Variants in ZNF483 observed in about 807,000 individuals in gnomAD.
ZNF483 encodes the protein zinc finger protein 483, also known as zinc finger protein HIT-10.
ZNF483 carries 9 observed loss-of-function variants against 28.6 expected under a neutral mutation model. The observed-to-expected ratio is 0.32, with a 90% CI of 0.19 to 0.55. The LOEUF is 0.55. Among genes scored for constraint, ZNF483 ranks in the 20% least tolerant of loss-of-function variants. The pLI, the probability that ZNF483 is intolerant of heterozygous loss-of-function variation, is 0.93. For synonymous variants in ZNF483, 322 were observed against 306.2 expected (o/e 1.05, Z -0.54); for missense variants, 675 against 871.7 (o/e 0.77, Z 2.84).
intron 5 of ZNF483, among the ~76,000 whole-genome samples, chr9:111,536,897 T>A (rs1827519301): frequency 6.6e-6 from 1 of 152,182 alleles, no homozygotes; most frequent in South Asian, 2.1e-4. Context: ...GAAAATAACA[T>A]TTACGGTACT....
At chr9:111,563,115 T>A in intron 5 of ZNF483, 1 of 1,612,394 alleles carries the variant, frequency 6.2e-7, no homozygotes, top group East Asian at 2.2e-5. Flanking sequence ...CCATGTGTCC[T>A]CTTTTTCATG....
At chr9:111,533,691 G>A (rs200715580) in intron 3 of ZNF483, 48 bp from the exon 4 acceptor site, 2 of 1,509,780 alleles carry the variant, frequency 1.3e-6, no homozygotes, top group Non-Finnish European at 1.8e-6. Context: ...AAGTACTTAG[G>A]TTCTATTTGG....
intron 5 of ZNF483, among the ~76,000 whole-genome samples, chr9:111,567,888 A>G (rs1828637278): frequency 2.0e-5 from 3 of 152,326 alleles, no homozygotes; most frequent in South Asian, 4.1e-4. Flanking sequence ...TCATTTTAAT[A>G]TGGACATTTA....
chr9:111,542,928 T>G lies in ZNF483; in HGVS notation c.1993T>G (p.Cys665Gly). The change falls in exon 6 of 6, where the codon TGT (cysteine) becomes GGT (glycine). Residue 665 changes from cysteine (C) to glycine (G), a missense_variant. Physicochemically the swap from Cys to Gly is radical, Grantham distance 159. Coordinates refer to ENST00000309235, the MANE Select transcript of ZNF483 (RefSeq NM_133464.5). This position sits in a 1 kb window ranked among gnomAD's most constrained non-coding sequence, Gnocchi z 6.2. ...RIHTGVKPYK[C>G]KECGKSFSQS... Reference sequence around the variant, plus strand: ...TCATACTGGTGTAAAACCTTATAAATGTAAAGAATGTGGGAAGTCCTTCAG... The same window carrying G: ...TCATACTGGTGTAAAACCTTATAAAGGTAAAGAATGTGGGAAGTCCTTCAG... The G allele has an allele frequency of 6.2e-7, 1 of 1,614,088 alleles. No homozygotes were observed. Among genetic ancestry groups the G allele is most frequent in the Non-Finnish European group, 8.5e-7 (1 of 1,180,002 alleles).
chr9:111,534,003 T>G, intron 4 of ZNF483, 138 bp downstream of exon 4: 1 of 1,117,334 alleles, frequency 8.9e-7, no homozygotes, highest in Non-Finnish European at 1.3e-6. Context: ...TCCTAAAAAC[T>G]GGTTCTGAAA....
rs1564608152 is a variant in ZNF483, at chr9:111,561,154, A to AGG, written c.722-15210_722-15209insGG. ...AGAGAGAGAGGAGAGAGAGGGAGAG[A>AGG]GAGAGAGAGAGAGAGAGAGAGAGAA... On this transcript the variant is annotated intron_variant, in intron 5 of 5. Coordinates refer to the ZNF483 transcript ENST00000358151. Among the ~76,000 whole-genome samples, 799 of 96,950 alleles carry AGG rather than the reference A, an allele frequency of 8.2e-3. 16 individuals are homozygous for AGG. Among genetic ancestry groups the AGG allele is most frequent in the Non-Finnish European group, 0.012 (603 of 48,338 alleles). 63.6% of individuals were successfully genotyped at this position (96,950 alleles called of 152,430 possible).
exon 6 of ZNF483, chr9:111,576,371 A>G (rs769415087): frequency 2.5e-6 from 4 of 1,614,120 alleles, no homozygotes; most frequent in Non-Finnish European, 3.4e-6. Context: ...GCAGACATAC[A>G]TGGAGCAGTA....
In ZNF483 at chr9:111,542,187, A is replaced by C. The variant is rs370896399; in HGVS notation, c.1252A>C (p.Lys418Gln). The C allele has an allele frequency of 1.2e-6, 2 of 1,614,104 alleles. No homozygotes were observed. The highest frequency in any genetic ancestry group is 4.5e-5 in the East Asian group (2 of 44,886). The part of the protein sequence containing the change: ...RKTPMCEKCR[K>Q]DSCQEAALNK... ...AACCCCTATGTGTGAGAAATGTCGG[A>C]AAGATTCATGTCAAGAAGCAGCCTT... Residue 418 changes from lysine to glutamine, a missense_variant, in exon 6 of 6, where the codon AAA becomes CAA. By Grantham distance (53) the Lys-to-Gln change is moderately conservative. Coordinates refer to ENST00000309235, the MANE Select transcript of ZNF483 (RefSeq NM_133464.5). This position sits in a 1 kb window ranked among gnomAD's most constrained non-coding sequence, Gnocchi z 6.2.
In ZNF483 at chr9:111,545,051, GC is replaced by G. The variant is rs1210247907; in HGVS notation, c.*1882del. Among the ~76,000 whole-genome samples, 1 of 152,148 alleles carries G rather than the reference GC, an allele frequency of 6.6e-6. No individual in the cohort carries two copies. Among genetic ancestry groups the G allele is most frequent in the Non-Finnish European group, 1.5e-5 (1 of 68,030 alleles). ...TGACTAATGTATGTAGGTGTGAAATGCTACCTCTGGGAGAAGGTTTTTGGTG... is the reference window on the plus strand; with the variant it reads ...TGACTAATGTATGTAGGTGTGAAATGTACCTCTGGGAGAAGGTTTTTGGTG... On this transcript the variant is annotated 3_prime_UTR_variant, in exon 6 of 6. Transcript: ENST00000309235.
At position 111,542,088 on chromosome 9, in the gene ZNF483, T is replaced by A. The variant is rs1827688199; in HGVS notation, c.1153T>A (p.Leu385Met). ...TEHQKRQKIHLGDRSQKCSKC... is the reference protein window; with the variant it reads ...TEHQKRQKIHMGDRSQKCSKC... ...ACATCAGAAACGTCAGAAGATTCAT[T>A]TGGGGGATAGGTCCCAAAAATGCAG... The change falls in exon 6 of 6, where the codon TTG becomes ATG. Residue 385 changes from leucine (L) to methionine (M), a missense_variant. Around this residue, in one of 6 missense-constraint regions of ZNF483, gnomAD observed 525 missense variants for 581.8 expected, o/e 0.90. Coordinates refer to ENST00000309235, the MANE Select transcript of ZNF483 (RefSeq NM_133464.5). This position sits in a 1 kb window ranked among gnomAD's most constrained non-coding sequence, Gnocchi z 6.2. The A allele has an allele frequency of 6.2e-7, 1 of 1,614,014 alleles. No homozygotes were observed. The highest frequency in any genetic ancestry group is 1.1e-5 in the South Asian group (1 of 91,080).
At chr9:111,576,247 A>G (rs944799507) in intron 5 of ZNF483, 1 of 978,538 alleles carries the variant, frequency 1.0e-6, no homozygotes, top group South Asian at 1.5e-5. Flanking sequence ...TTTGCAAGCC[A>G]TATAGAGTTG....
intron 5 of ZNF483, among the ~76,000 whole-genome samples, chr9:111,540,138 A>G (rs984971055): frequency 6.6e-6 from 1 of 152,206 alleles, no homozygotes; most frequent in African/African-American, 2.4e-5. Flanking sequence ...TCTCTAAAAA[A>G]TTTTAAAAAA....
chr9:111,568,551 A>ATGTGATCTT (rs1483237330), intron 5 of ZNF483, among the ~76,000 whole-genome samples: 3 of 152,186 alleles, frequency 2.0e-5, no homozygotes, highest in Admixed American at 2.0e-4. Context: ...CCTCAGAAGC[A>ATGTGATCTT]TGTGATCTTT....
At chr9:111,560,964 TATATATATATAGAGAG>T (rs1452731771) in intron 5 of ZNF483, among the ~76,000 whole-genome samples, 1 of 48,510 alleles carries the variant, frequency 2.1e-5, no homozygotes, top group Non-Finnish European at 3.8e-5. Context: ...TATATATATA[TATATATATATAGAGAG>T]AGAGAGAGAG....
intron 5 of ZNF483, 30 bp from the exon 6 acceptor site, chr9:111,541,627 A>T (rs1454505336): frequency 1.3e-6 from 2 of 1,539,260 alleles, no homozygotes; most frequent in Non-Finnish European, 1.7e-6. Flanking sequence ...TCTTGCAAAC[A>T]GGAAATATTC....
rs1269515253 is a variant in ZNF483 at position 111,550,004 on chromosome 9, A to C, written c.*6834A>C. On this transcript the variant is annotated 3_prime_UTR_variant, in exon 6 of 6. Transcript: ENST00000309235. The stretch of plus-strand genomic sequence containing the variant: ...AGACATTTGAATTTTATAATGTGGC[A>C]ACTCTGGAAATAAGATTATTCCTTT... 2.0e-5 allele frequency among the ~76,000 whole-genome samples: 3 copies of C among 152,178 alleles called. No individual in the cohort carries two copies. Among genetic ancestry groups the C allele is most frequent in the African/African-American group, 7.2e-5 (3 of 41,432 alleles).
Position 111,543,296 on chromosome 9 carries a change from C to A in ZNF483, c.*126C>A, listed in dbSNP as rs10759501. ...GTAAATTGGCAGTTAGGAAAAATAT[C>A]CTTTTGCCCATTCATCCCTCTTCTT... On this transcript the variant is annotated 3_prime_UTR_variant, in exon 6 of 6. Coordinates refer to ENST00000309235, the MANE Select transcript of ZNF483 (RefSeq NM_133464.5). 2.9e-5 allele frequency: 41 copies of A among 1,426,238 alleles called. No individual in the cohort carries two copies. Among genetic ancestry groups the A allele is most frequent in the Non-Finnish European group, 3.5e-5 (38 of 1,097,066 alleles). 88.3% of individuals were successfully genotyped at this position (1,426,238 alleles called of 1,614,324 possible). A position where few individuals can be genotyped will look rare whatever the true frequency, so the allele number is the denominator to read the frequency against.
Position 111,543,553 on chromosome 9 carries a change from G to C in ZNF483, c.*383G>C. The C allele has an allele frequency of 3.0e-6, 3 of 995,968 alleles. No homozygotes were observed. The highest frequency in any genetic ancestry group is 3.6e-6 in the Non-Finnish European group (3 of 837,248). The allele number at this position is 995,968 out of a possible 1,614,324, so 61.7% of individuals were successfully genotyped here. A position where few individuals can be genotyped will look rare whatever the true frequency, so the allele number is the denominator to read the frequency against. ...AACTTGCTGTATACACCTTGGACAA[G>C]TCATTTGACCTTTCAGAATTTTATT... On this transcript the variant is annotated 3_prime_UTR_variant, in exon 6 of 6. Coordinates refer to ENST00000309235, the MANE Select transcript of ZNF483 (RefSeq NM_133464.5).
intron 5 of ZNF483, among the ~76,000 whole-genome samples, chr9:111,536,655 T>G (rs79258547): frequency 0.011 from 1,677 of 152,204 alleles, 23 homozygotes; most frequent in African/African-American, 0.038. Flanking sequence ...ATTGGCTGTT[T>G]CCAGTATACA....
Sources: allele counts gnomAD v4.1 joint callset (sites outside exome capture counted in the v4.1 genomes callset), GRCh38; gene constraint gnomAD v4.1.1; regional missense constraint gnomAD v4.1.1; non-coding constraint Gnocchi (gnomAD v3.1); transcripts MANE v1.5; gene names NCBI Gene and HGNC (gene_info 2026-07-23, HGNC 2026-07-21).